ZNHIT6: variants seen among roughly 807,000 people sequenced by gnomAD.
ZNHIT6 encodes box C/D snoRNA protein 1.
A neutral mutation model predicts 57.2 loss-of-function variants in ZNHIT6; 45 were observed. The observed-to-expected ratio is 0.79, with a 90% CI of 0.62 to 1.01. The LOEUF is 1.01. Ranked by LOEUF, ZNHIT6 falls within the 50% of genes least tolerant of loss-of-function variation. The pLI is 0.00. For synonymous variants in ZNHIT6, 188 were observed against 190.0 expected (o/e 0.99, Z 0.09); for missense variants, 528 against 567.3 (o/e 0.93, Z 0.70).
intron 1 of ZNHIT6, 120 bp from the exon 2 acceptor site, chr1:85,706,627 T>C (rs1662693783): frequency 1.1e-6 from 1 of 886,600 alleles, no homozygotes; most frequent in Non-Finnish European, 1.6e-6. Context: ...ATTTGATAGC[T>C]GTTGAACATC....
In ZNHIT6 at chr1:85,678,732, G is replaced by T; in HGVS notation, c.1138C>A (p.Pro380Thr). The change falls in exon 7 of 10, where the codon CCT becomes ACT. Residue 380 changes from proline to threonine, a missense_variant. Physicochemically the swap from Pro to Thr is conservative, Grantham distance 38. Coordinates refer to ENST00000370574, the MANE Select transcript of ZNHIT6 (RefSeq NM_017953.4). ...INEILKPYID[P>T]EKSDPVIRQR... ...CGAATTACAGGATCAGACTTTTCAGGATCAATGTAAGGTTTTAGGATTTCA... is the reference window on the plus strand; with the variant it reads ...CGAATTACAGGATCAGACTTTTCAGTATCAATGTAAGGTTTTAGGATTTCA... 1 of 1,590,662 alleles carries T rather than the reference G, an allele frequency of 6.3e-7. No individual in the cohort carries two copies.
chr1:85,674,716 T>A (rs1647540114), intron 8 of ZNHIT6, among the ~76,000 whole-genome samples: 1 of 152,174 alleles, frequency 6.6e-6, no homozygotes, highest in African/African-American at 2.4e-5. Context: ...CCATATTTTA[T>A]CTAATTAGTT....
intron 8 of ZNHIT6, among the ~76,000 whole-genome samples, chr1:85,667,961 A>AAAAAAAAAAAAAAAAAAATAT: frequency 3.8e-4 from 7 of 18,200 alleles, no homozygotes; most frequent in East Asian, 1.7e-3. Context: ...AAAAAAAAAA[A>AAAAAAAAAAAAAAAAAAATAT]ATATATATAT....
chr1:85,680,858 G>A lies in ZNHIT6; in HGVS notation c.1066C>T (p.Gln356Ter). ...WHVKLQFPQSQAEYIEKRVPD... is the reference protein window; with the variant it reads ...WHVKLQFPQS ...TACCTTTTTTCTATGTACTCAGCTT[G>A]ACTTTGAGGAAACTGGAGCTTCACA... Residue 356 changes from glutamine (Q) to a stop codon, truncating the protein, a stop_gained, in exon 6 of 10, where the codon CAA becomes TAA. Coordinates refer to ENST00000370574, the MANE Select transcript of ZNHIT6 (RefSeq NM_017953.4). LOFTEE classifies it high-confidence loss of function. 6.2e-7 allele frequency: 1 copy of A among 1,612,628 alleles called. No individual in the cohort carries two copies. The highest frequency in any genetic ancestry group is 8.5e-7 in the Non-Finnish European group (1 of 1,179,352).
intron 9 of ZNHIT6, among the ~76,000 whole-genome samples, chr1:85,657,470 T>C (rs1021719064): frequency 8.6e-5 from 13 of 151,790 alleles, no homozygotes; most frequent in Non-Finnish European, 1.9e-4. Context: ...AAAAATGTTT[T>C]GTAATCCCTC....
At chr1:85,693,195 C>A (rs568920546) in intron 5 of ZNHIT6, among the ~76,000 whole-genome samples, 1 of 152,242 alleles carries the variant, frequency 6.6e-6, no homozygotes, top group East Asian at 1.9e-4. Flanking sequence ...AAATTGGGTC[C>A]ATTTCTGAGG....
intron 5 of ZNHIT6, among the ~76,000 whole-genome samples, chr1:85,701,368 C>T (rs149472876): frequency 6.6e-6 from 1 of 152,150 alleles, no homozygotes; most frequent in Non-Finnish European, 1.5e-5. Context: ...GGGAGGGACT[C>T]CCTCAAGTTT....
At chr1:85,668,208 A>T (rs1661441831) in intron 8 of ZNHIT6, among the ~76,000 whole-genome samples, 1 of 151,438 alleles carries the variant, frequency 6.6e-6, no homozygotes, top group Non-Finnish European at 1.5e-5. Flanking sequence ...ATTGATCAAA[A>T]CATCACAAAT....
At chr1:85,683,411 G>A (rs1342717776) in intron 5 of ZNHIT6, among the ~76,000 whole-genome samples, 2 of 151,994 alleles carry the variant, frequency 1.3e-5, no homozygotes, top group African/African-American at 4.8e-5. Context: ...CCAGCTACTC[G>A]GGAGGCCGAG....
chr1:85,679,342 T>C (rs557455540), intron 6 of ZNHIT6, among the ~76,000 whole-genome samples: 3 of 152,284 alleles, frequency 2.0e-5, no homozygotes, highest in East Asian at 3.9e-4. Flanking sequence ...CAACCATTTA[T>C]ACATATTCAT....
intron 5 of ZNHIT6, among the ~76,000 whole-genome samples, chr1:85,682,759 A>C (rs1184538531): frequency 2.6e-5 from 4 of 152,204 alleles, no homozygotes; most frequent in Non-Finnish European, 5.9e-5. Context: ...TGTAAAGAAC[A>C]CTCAATGCAC....
intron 8 of ZNHIT6, among the ~76,000 whole-genome samples, chr1:85,662,304 A>G (rs1246776550): frequency 2.0e-5 from 3 of 152,074 alleles, no homozygotes; most frequent in Admixed American, 1.3e-4. Flanking sequence ...CTAAGTTTGA[A>G]TTTCTCCAAA....
chr1:85,688,035 C>T (rs1219251323), intron 5 of ZNHIT6, among the ~76,000 whole-genome samples: 5 of 149,110 alleles, frequency 3.4e-5, no homozygotes, highest in Admixed American at 1.3e-4. Context: ...AAGTGAGACT[C>T]CGTCTCAAAA....
At chr1:85,664,872 C>A (rs148890844) in intron 8 of ZNHIT6, among the ~76,000 whole-genome samples, 1 of 152,136 alleles carries the variant, frequency 6.6e-6, no homozygotes, top group East Asian at 1.9e-4. Flanking sequence ...CGCTCTGTCA[C>A]CCAGGCTAGA....
intron 4 of ZNHIT6, among the ~76,000 whole-genome samples, chr1:85,703,435 A>G (rs1662592401): frequency 6.6e-6 from 1 of 152,188 alleles, no homozygotes; most frequent in Non-Finnish European, 1.5e-5. Context: ...TTGGTGCAGG[A>G]TATACCAGTA....
At chr1:85,667,961 A>AAAAAAAAAAAAAAAATATATATATAT in intron 8 of ZNHIT6, among the ~76,000 whole-genome samples, 1 of 18,202 alleles carries the variant, frequency 5.5e-5, no homozygotes, top group Non-Finnish European at 9.9e-5. Flanking sequence ...AAAAAAAAAA[A>AAAAAAAAAAAAAAAATATATATATAT]ATATATATAT....
chr1:85,676,758 G>C (rs935256945), intron 8 of ZNHIT6, among the ~76,000 whole-genome samples: 1 of 151,932 alleles, frequency 6.6e-6, no homozygotes, highest in African/African-American at 2.4e-5. Context: ...TAACATTAAA[G>C]TGTTACTACT....
In ZNHIT6 at chr1:85,650,812, C is replaced by T. The variant is rs990727949; in HGVS notation, c.*3246G>A. The T allele has an allele frequency of 2.0e-5, 3 of 152,222 alleles. No individual in the cohort carries two copies. The East Asian group carries it at 5.8e-4, about 29-fold the overall frequency. 9.4% of individuals were successfully genotyped at this position (152,222 alleles called of 1,614,324 possible). A position where few individuals can be genotyped will look rare whatever the true frequency, so the allele number is the denominator to read the frequency against. Reference sequence around the variant, plus strand: ...TTGCTTGTGAGAACTAATCCATTCCCACGACAGCAAGAATGAGAACTCACT... The same window carrying T: ...TTGCTTGTGAGAACTAATCCATTCCTACGACAGCAAGAATGAGAACTCACT... On this transcript the variant is annotated 3_prime_UTR_variant, in exon 10 of 10. Coordinates refer to ENST00000370574, the MANE Select transcript of ZNHIT6 (RefSeq NM_017953.4).
At chr1:85,657,630 T>C (rs572124528) in intron 9 of ZNHIT6, among the ~76,000 whole-genome samples, 1 of 152,232 alleles carries the variant, frequency 6.6e-6, no homozygotes, top group African/African-American at 2.4e-5. Context: ...ATTTGATTTA[T>C]TCACTTAAAA....
Sources: allele counts gnomAD v4.1 joint callset (sites outside exome capture counted in the v4.1 genomes callset), GRCh38; gene constraint gnomAD v4.1.1; transcripts MANE v1.5; gene names NCBI Gene and HGNC (gene_info 2026-07-23, HGNC 2026-07-21).